WNK2: variants seen among roughly 807,000 people sequenced by gnomAD.
WNK2 encodes the protein WNK lysine deficient protein kinase 2, also known as serine/threonine-protein kinase WNK2.
In WNK2, 67 loss-of-function variants were observed where a neutral mutation model predicts 192.1. The ratio of observed to expected loss-of-function variants is 0.35; its 90% CI spans 0.29 to 0.43. The LOEUF is 0.43. WNK2 is among the 20% of genes least tolerant of loss of function. WNK2 has a pLI of 1.00. For synonymous variants in WNK2, 1,439 were observed against 1,393.9 expected (o/e 1.03, Z -0.72); for missense variants, 2,698 against 3,089.7 (o/e 0.87, Z 3.01).
At chr9:93,253,838 G>A (rs1842917728) in intron 9 of WNK2, among the ~76,000 whole-genome samples, 4 of 152,098 alleles carry the variant, frequency 2.6e-5, no homozygotes, top group East Asian at 1.9e-4. Context: ...ATTGCTCCTC[G>A]CAGTCCCAAG....
At chr9:93,309,004 C>A in intron 28 of WNK2, 1 of 1,016,208 alleles carries the variant, frequency 9.8e-7, no homozygotes, top group Non-Finnish European at 1.2e-6. Context: ...CAGCGTCTGG[C>A]CATAGCTCAC....
intron 29 of WNK2, among the ~76,000 whole-genome samples, chr9:93,319,708 A>C (rs1169827663): frequency 6.6e-6 from 1 of 152,138 alleles, no homozygotes; most frequent in Admixed American, 6.5e-5. Flanking sequence ...GGACTTGTTG[A>C]GAGGAGGACT....
intron 16 of WNK2, 119 bp from the exon 17 acceptor site, chr9:93,267,627 C>T (rs1845380587): frequency 1.6e-6 from 2 of 1,227,788 alleles, no homozygotes; most frequent in Non-Finnish European, 2.2e-6. Context: ...GGGGACTGCA[C>T]CCTTTCACCA....
At chr9:93,226,498 A>T (rs914342525) in intron 2 of WNK2, among the ~76,000 whole-genome samples, 3 of 151,982 alleles carry the variant, frequency 2.0e-5, no homozygotes, top group African/African-American at 7.3e-5. Flanking sequence ...TGATTTACAT[A>T]TAATGAAACA....
intron 2 of WNK2, among the ~76,000 whole-genome samples, chr9:93,206,757 G>A (rs575649566): frequency 3.3e-5 from 5 of 152,322 alleles, no homozygotes; most frequent in Admixed American, 2.0e-4. Context: ...CTCTTGGGGA[G>A]GGCAGCCAGA....
Position 93,257,029 on chromosome 9 carries a change from C to CA in WNK2, c.2273dup (p.His758GlnfsTer166). The CA allele has an allele frequency of 6.2e-7, 1 of 1,604,430 alleles. No individual in the cohort carries two copies. On this transcript the variant is annotated frameshift_variant, in exon 11 of 30. Transcript: ENST00000427277. LOFTEE classifies it high-confidence loss of function. This position sits in a 1 kb window ranked among gnomAD's most constrained non-coding sequence, Gnocchi z 4.7. Reference sequence around the variant, plus strand: ...GGTCCCCCTCCAGCCGGTTCCCCCCCACCTGCCACCGTACCTGGCTCCAGC... The same window carrying CA: ...GGTCCCCCTCCAGCCGGTTCCCCCCCAACCTGCCACCGTACCTGGCTCCAGC...
intron 19 of WNK2, among the ~76,000 whole-genome samples, chr9:93,271,047 T>C (rs1164862659): frequency 6.6e-6 from 1 of 152,176 alleles, no homozygotes; most frequent in Non-Finnish European, 1.5e-5. Flanking sequence ...GTTTATGGAC[T>C]CCTGGGCTCA....
At chr9:93,310,724 A>C (rs72743445) in intron 28 of WNK2, among the ~76,000 whole-genome samples, 4,752 of 152,282 alleles carry the variant, frequency 0.031, 117 homozygotes, top group East Asian at 0.081. Context: ...GGAATCATAC[A>C]GTATGTGCCC....
chr9:93,198,156 G>A (rs1258344071), intron 2 of WNK2, among the ~76,000 whole-genome samples: 3 of 152,224 alleles, frequency 2.0e-5, no homozygotes, highest in Non-Finnish European at 2.9e-5. Context: ...AGGGGTTGTG[G>A]TGCAGCTTGA....
chr9:93,216,735 A>G (rs1239455304), intron 2 of WNK2, among the ~76,000 whole-genome samples: 1 of 151,062 alleles, frequency 6.6e-6, no homozygotes, highest in Non-Finnish European at 1.5e-5. Context: ...CAAAGGTTGC[A>G]GTAAACCAAG....
At chr9:93,304,723 A>T (rs930798716) in intron 26 of WNK2, among the ~76,000 whole-genome samples, 2 of 152,192 alleles carry the variant, frequency 1.3e-5, no homozygotes, top group African/African-American at 4.8e-5. Context: ...GGCTCTGGAG[A>T]GGTGGACTAA....
intron 19 of WNK2, 99 bp from the exon 20 acceptor site, chr9:93,288,689 C>A: frequency 2.5e-6 from 3 of 1,221,100 alleles, no homozygotes; most frequent in Non-Finnish European, 3.4e-6. Flanking sequence ...CACGCTGGGG[C>A]CATGGCCAGC....
At chr9:93,286,023 C>T (rs563317148) in intron 19 of WNK2, among the ~76,000 whole-genome samples, 26 of 152,234 alleles carry the variant, frequency 1.7e-4, no homozygotes, top group African/African-American at 4.6e-4. Context: ...AGTAACAAGT[C>T]GCTTGTGAAT....
intron 13 of WNK2, 37 bp from the exon 14 acceptor site, chr9:93,262,633 C>T: frequency 1.9e-6 from 3 of 1,611,198 alleles, no homozygotes; most frequent in Non-Finnish European, 2.5e-6. Flanking sequence ...CGGGAGTCCG[C>T]ATGACCTGTT....
At chr9:93,302,906 G>A (rs536400827) in intron 26 of WNK2, among the ~76,000 whole-genome samples, 2 of 146,912 alleles carry the variant, frequency 1.4e-5, no homozygotes, top group African/African-American at 4.9e-5. Flanking sequence ...ACATGACCCA[G>A]TGCCCCAGAG....
At chr9:93,315,868 T>G (rs1395857582) in intron 28 of WNK2, 1 of 152,170 alleles carries the variant, frequency 6.6e-6, no homozygotes, top group Non-Finnish European at 1.5e-5. Context: ...GTGTTTTCAC[T>G]TTCTTAATGG....
intron 23 of WNK2, among the ~76,000 whole-genome samples, chr9:93,294,142 A>T (rs765291090): frequency 6.6e-6 from 1 of 152,196 alleles, no homozygotes; most frequent in Admixed American, 6.5e-5. Flanking sequence ...TCACAGGCTT[A>T]TGTGGGAAGA....
rs1843535673 is a variant in WNK2 at position 93,257,723 on chromosome 9, G to T, written c.2382+584G>T. Among the ~76,000 whole-genome samples, 1 of 152,222 alleles carries T rather than the reference G, an allele frequency of 6.6e-6. No individual in the cohort carries two copies. On this transcript the variant is annotated intron_variant, in intron 11 of 29. Coordinates refer to ENST00000427277, the MANE Select transcript of WNK2 (RefSeq NM_006648.4). The surrounding 1 kb of genome is among the most constrained non-coding windows in gnomAD (Gnocchi z 4.7). ...GTGGCTCCTCGGAGTTCCAAAGCCA[G>T]CCTGTGGCATTGCTGACTGCAGGAA...
In WNK2 at chr9:93,258,919, T is replaced by A; in HGVS notation, c.2383-12T>A. ...TGGGGCCCACACTGACACACTCCTGTGTCTCTTTCAGATGCCCCCGATTCC... is the reference window on the plus strand; with the variant it reads ...TGGGGCCCACACTGACACACTCCTGAGTCTCTTTCAGATGCCCCCGATTCC... On this transcript the variant is annotated splice_polypyrimidine_tract_variant and intron_variant, in intron 11 of 29. Coordinates refer to ENST00000427277, the MANE Select transcript of WNK2 (RefSeq NM_006648.4). 1 of 1,605,336 alleles carries A rather than the reference T, an allele frequency of 6.2e-7. No individual in the cohort carries two copies.
Sources: gnomAD v4.1 joint callset for allele counts (sites outside exome capture counted in the v4.1 genomes callset) on GRCh38, gnomAD v4.1.1 for gene constraint, Gnocchi (gnomAD v3.1) non-coding constraint, MANE v1.5 for transcripts, NCBI Gene and HGNC (gene_info 2026-07-23, HGNC 2026-07-21) for gene names.